Variants in TANGO2 observed in about 807,000 individuals in gnomAD.
TANGO2 encodes the protein transport and Golgi organization protein 2 homolog.
In TANGO2, 26 loss-of-function variants were observed where a neutral mutation model predicts 39.1. The ratio of observed to expected loss-of-function variants is 0.67; its 90% CI spans 0.49 to 0.92. The LOEUF is 0.92. Ranked by LOEUF, TANGO2 falls within the 40% of genes least tolerant of loss-of-function variation. The probability of loss-of-function intolerance (pLI) is 0.00; values close to 1 mark genes in which losing one functional copy is unlikely to be tolerated. For missense variants in TANGO2, 326 were observed against 360.1 expected, an observed-to-expected ratio of 0.91 and a Z score of 0.77; for synonymous variants, 131 against 144.5, an observed-to-expected ratio of 0.91 and a Z score of 0.67.
rs149711961 is a variant in TANGO2, at chr22:20,063,424, G to T, written c.692G>T (p.Cys231Phe). Reference protein sequence around the residue: ...LSKYAAVCVRCPGYGTRTNTI... With the variant: ...LSKYAAVCVRFPGYGTRTNTI... ...AAGTACGCGGCTGTGTGCGTGCGCT[G>T]CCCTGGCTACGGCACCAGGTATTGC... Residue 231 changes from cysteine (C) to phenylalanine (F), a missense_variant, in exon 8 of 9, where the codon TGC (cysteine) becomes TTC (phenylalanine). By Grantham distance (205) the Cys-to-Phe change is radical. Transcript: ENST00000327374. 6.0e-5 allele frequency: 96 copies of T among 1,612,726 alleles called. No homozygotes were observed. Among genetic ancestry groups the T allele is most frequent in the Admixed American group, 1.3e-4 (8 of 59,972 alleles).
intron 6 of TANGO2, chr22:20,056,438 C>T (rs1569322892): frequency 6.5e-6 from 3 of 462,346 alleles, no homozygotes; most frequent in Middle Eastern, 3.2e-4. Context: ...AGATGCACGC[C>T]TCCTGCACCC....
chr22:20,033,964 G>A (rs1191861700), intron 1 of TANGO2, among the ~76,000 whole-genome samples: 1 of 152,208 alleles, frequency 6.6e-6, no homozygotes, highest in Non-Finnish European at 1.5e-5. Context: ...CTAACACTTT[G>A]GGAGGCCGAG....
Position 20,063,353 on chromosome 22 carries a change from G to A in TANGO2, c.621G>A (p.Pro207=), listed in dbSNP as rs199498849. 4 of 1,613,336 alleles carry A rather than the reference G, an allele frequency of 2.5e-6. No individual in the cohort carries two copies. Among genetic ancestry groups the A allele is most frequent in the South Asian group, 1.1e-5 (1 of 91,062 alleles). ...LNNEEAQLPD[P]AIEDQGGEYV... Reference sequence around the variant, plus strand: ...CATCCTGCAGGCAGCTGCCAGACCCGGCCATCGAGGACCAGGGTGGGGAGT... The same window carrying A: ...CATCCTGCAGGCAGCTGCCAGACCCAGCCATCGAGGACCAGGGTGGGGAGT... The change falls in exon 8 of 9, where the codon CCG becomes CCA. Residue 207 remains proline, a synonymous_variant. Transcript: ENST00000327374.
chr22:20,022,085 G>A (rs1485655768), intron 1 of TANGO2, among the ~76,000 whole-genome samples: 4 of 152,234 alleles, frequency 2.6e-5, no homozygotes, highest in Non-Finnish European at 4.4e-5. Flanking sequence ...GCTATAAGGG[G>A]GTAGCTGAGT....
intron 1 of TANGO2, among the ~76,000 whole-genome samples, chr22:20,023,635 A>G (rs1476811840): frequency 1.3e-5 from 2 of 151,988 alleles, no homozygotes; most frequent in African/African-American, 4.8e-5. Context: ...CGGGTGGATC[A>G]CGAGGCCAGG....
At position 20,065,023 on chromosome 22, in the gene TANGO2, A is replaced by T; in HGVS notation, c.*361A>T. 2 of 242,828 alleles carry T rather than the reference A, an allele frequency of 8.2e-6. No individual in the cohort carries two copies. The highest frequency in any genetic ancestry group is 1.6e-5 in the Non-Finnish European group (2 of 123,092). The allele number at this position is 242,828 out of a possible 1,614,324, so 15.0% of individuals were successfully genotyped here. On this transcript the variant is annotated 3_prime_UTR_variant, in exon 9 of 9. Coordinates refer to ENST00000327374, the MANE Select transcript of TANGO2 (RefSeq NM_152906.7). ...ACACATGCAAGCCATATACATGGAC[A>T]CCGACACAGGCACATGTACGTGCAC... is the stretch of plus-strand genomic sequence containing the variant.
intron 1 of TANGO2, among the ~76,000 whole-genome samples, chr22:20,024,735 T>G (rs1374938408): frequency 1.3e-5 from 2 of 152,236 alleles, no homozygotes; most frequent in African/African-American, 2.4e-5. Context: ...GCCATTCCTC[T>G]GTCACCACTG....
At chr22:20,054,420 G>A (rs1367313535) in intron 5 of TANGO2, 1 of 153,144 alleles carries the variant, frequency 6.5e-6, no homozygotes, top group Non-Finnish European at 1.5e-5. Context: ...GTTCCATGTG[G>A]GTCTGATTAG....
At chr22:20,053,079 C>T (rs17817689) in intron 4 of TANGO2, among the ~76,000 whole-genome samples, 19,837 of 152,178 alleles carry the variant, frequency 0.13, 2,295 homozygotes, top group East Asian at 0.52. Context: ...GCACTCCTGA[C>T]TGCTGTGTCA....
chr22:20,038,868 G>T (rs2043344155), intron 2 of TANGO2, among the ~76,000 whole-genome samples: 1 of 152,002 alleles, frequency 6.6e-6, no homozygotes, highest in South Asian at 2.1e-4. Flanking sequence ...CAGCTAGGCT[G>T]GGCTGGACTC....
chr22:20,064,587 C>T lies in TANGO2; in HGVS notation c.756C>T (p.Phe252=), dbSNP rs2048974359. The change falls in exon 9 of 9, where the codon TTC becomes TTT. Residue 252 remains phenylalanine (F), a synonymous_variant. Transcript: ENST00000327374. ...TAGATGCGGACGGCCACGTGACCTT[C>T]ACTGAGCGTAGCATGATGGACAAGG... The part of the protein sequence containing the change: ...ILVDADGHVT[F]TERSMMDKDL... The T allele has an allele frequency of 3.1e-6, 5 of 1,614,210 alleles. No individual in the cohort carries two copies. Among genetic ancestry groups the T allele is most frequent in the Non-Finnish European group, 4.2e-6 (5 of 1,180,020 alleles).
At chr22:20,021,836 C>T (rs1031352409) in intron 1 of TANGO2, among the ~76,000 whole-genome samples, 1 of 152,246 alleles carries the variant, frequency 6.6e-6, no homozygotes, top group African/African-American at 2.4e-5. Flanking sequence ...CCCCCACCTT[C>T]CCTGCCCCTA....
intron 2 of TANGO2, among the ~76,000 whole-genome samples, chr22:20,038,235 C>T (rs2043225721): frequency 6.6e-6 from 1 of 152,200 alleles, no homozygotes; most frequent in Non-Finnish European, 1.5e-5. Context: ...AAGGAGCCAG[C>T]CCTGCTGACG....
At chr22:20,054,927 A>G (rs2047058545) in intron 5 of TANGO2, 1 of 152,262 alleles carries the variant, frequency 6.6e-6, no homozygotes, top group African/African-American at 2.4e-5. Context: ...ACAGTCTCTG[A>G]AATTATGAAC....
At chr22:20,043,137 C>G (rs1233133610) in intron 2 of TANGO2, among the ~76,000 whole-genome samples, 1 of 152,214 alleles carries the variant, frequency 6.6e-6, no homozygotes, top group African/African-American at 2.4e-5. Flanking sequence ...GCCTAGCATC[C>G]TCCTGTTTCC....
intron 6 of TANGO2, among the ~76,000 whole-genome samples, chr22:20,059,536 C>A (rs193111122): frequency 7.8e-4 from 119 of 152,334 alleles, no homozygotes; most frequent in Admixed American, 2.7e-3. Flanking sequence ...TGAATCCTCA[C>A]CAAAACTTGC....
chr22:20,026,801 C>T (rs2040852233), intron 1 of TANGO2, among the ~76,000 whole-genome samples: 1 of 152,196 alleles, frequency 6.6e-6, no homozygotes. Context: ...ACTGCATACA[C>T]CCTGGAGGCA....
intron 1 of TANGO2, among the ~76,000 whole-genome samples, chr22:20,035,933 A>T (rs2042759529): frequency 6.6e-6 from 1 of 152,180 alleles, no homozygotes; most frequent in Non-Finnish European, 1.5e-5. Flanking sequence ...CCCTGCTTGG[A>T]TAGCTGATGT....
intron 6 of TANGO2, chr22:20,056,801 G>T (rs529096826): frequency 1.1e-5 from 5 of 456,632 alleles, no homozygotes; most frequent in African/African-American, 8.0e-5. Context: ...AGGTTCCGGG[G>T]ACTGCTGGCT....
Sources: allele counts gnomAD v4.1 joint callset (sites outside exome capture counted in the v4.1 genomes callset), GRCh38; gene constraint gnomAD v4.1.1; transcripts MANE v1.5; gene names NCBI Gene and HGNC (gene_info 2026-07-23, HGNC 2026-07-21).